COL4A5: variants seen among roughly 807,000 people sequenced by gnomAD.
COL4A5 encodes the protein collagen type IV alpha 5 chain, also known as collagen alpha-5(IV) chain.
In COL4A5, 26 loss-of-function variants were observed where a neutral mutation model predicts 130.2. The ratio of observed to expected loss-of-function variants is 0.20; its 90% CI spans 0.15 to 0.28. The LOEUF (loss-of-function observed/expected upper bound fraction) is 0.28. COL4A5 is among the 10% of genes least tolerant of loss of function. The pLI, the probability that COL4A5 is intolerant of heterozygous loss-of-function variation, is 1.00. For synonymous variants in COL4A5, 496 were observed against 439.6 expected, an observed-to-expected ratio of 1.13 and a Z score of -1.60; for missense variants, 1,131 against 1,344.3, an observed-to-expected ratio of 0.84 and a Z score of 2.48.
At chrX:108,621,673 CA>C in intron 31 of COL4A5, 129 bp from the exon 32 acceptor site, 2 of 529,407 alleles carry the variant, frequency 3.8e-6, no homozygotes. Context: ...GCACTATGGT[CA>C]AAAAGTCTAA....
At position 108,619,535 on chromosome X, in the gene COL4A5, A is replaced by C. The variant is rs980677954; in HGVS notation, c.2510-724A>C. 4.5e-5 allele frequency among the ~76,000 whole-genome samples: 5 copies of C among 111,916 alleles called. No homozygotes were observed. The Admixed American group carries it at 4.8e-4, about 11-fold the overall frequency. On this transcript the variant is annotated intron_variant, in intron 30 of 52. Coordinates refer to ENST00000328300, the MANE Select transcript of COL4A5 (RefSeq NM_033380.3). ...TTGCTTTTGGGGGAAAATCAGCCTT[A>C]CAGAAACTTACTAAGGTTAAATATT...
At chrX:108,634,107 G>A (rs2147889947) in intron 36 of COL4A5, among the ~76,000 whole-genome samples, 1 of 110,107 alleles carries the variant, frequency 9.1e-6, no homozygotes, top group South Asian at 3.8e-4. Flanking sequence ...TGACAGCAAA[G>A]CATTTAGTTG....
chrX:108,677,672 T>C, intron 44 of COL4A5, 39 bp downstream of exon 44: 2 of 1,191,874 alleles, frequency 1.7e-6, no homozygotes, highest in South Asian at 1.8e-5. Flanking sequence ...GAGAAGAATG[T>C]GGGTGTTTGT....
At position 108,620,269 on chromosome X, in the gene COL4A5, A is replaced by G. The variant is rs372853807; in HGVS notation, c.2520A>G (p.Gly840=). 37 of 1,204,546 alleles carry G rather than the reference A, an allele frequency of 3.1e-5. No homozygotes were observed. Among genetic ancestry groups the G allele is most frequent in the Non-Finnish European group, 4.2e-5 (37 of 891,180 alleles). Residue 840 remains glycine (G), a synonymous_variant, in exon 31 of 53, where the codon GGA becomes GGG. Transcript: ENST00000328300. ...TATTGTATTAACTAGGTTTACATGG[A>G]ATACCAGGAGAGAAGGGGGATCCAG... is the stretch of plus-strand genomic sequence containing the variant. ...PGPIGQPGLH[G]IPGEKGDPGP...
intron 2 of COL4A5, among the ~76,000 whole-genome samples, chrX:108,546,374 G>T (rs1209249059): frequency 9.0e-6 from 1 of 111,685 alleles, no homozygotes; most frequent in African/African-American, 3.3e-5. Flanking sequence ...ATGAAGTTTA[G>T]TTTGGCTGGA....
At chrX:108,544,915 T>C (rs2065620578) in intron 2 of COL4A5, among the ~76,000 whole-genome samples, 1 of 111,935 alleles carries the variant, frequency 8.9e-6, no homozygotes, top group African/African-American at 3.2e-5. Flanking sequence ...TTACAATATT[T>C]TCTGATGGTA....
chrX:108,470,712 A>T (rs2064758904), intron 1 of COL4A5, among the ~76,000 whole-genome samples: 1 of 111,240 alleles, frequency 9.0e-6, no homozygotes, highest in South Asian at 3.8e-4. Context: ...GTCATAAATT[A>T]TTTCCCAAGG....
chrX:108,498,965 C>T (rs1215749631), intron 1 of COL4A5, among the ~76,000 whole-genome samples: 2 of 111,123 alleles, frequency 1.8e-5, no homozygotes, highest in Non-Finnish European at 3.8e-5. Flanking sequence ...TGATTTTGCT[C>T]TTCCCTTTTC....
At chrX:108,480,080 C>T (rs1258603803) in intron 1 of COL4A5, among the ~76,000 whole-genome samples, 2 of 111,713 alleles carry the variant, frequency 1.8e-5, no homozygotes, top group Non-Finnish European at 3.8e-5. Flanking sequence ...GCAGCCTGGA[C>T]CTGTTGCAGA....
intron 1 of COL4A5, among the ~76,000 whole-genome samples, chrX:108,461,718 C>A (rs1212010262): frequency 9.0e-6 from 1 of 110,998 alleles, no homozygotes; most frequent in Non-Finnish European, 1.9e-5. Context: ...CTCAGCCTCC[C>A]AAGTAGCTGG....
chrX:108,615,479 T>C (rs1472352344), intron 30 of COL4A5, among the ~76,000 whole-genome samples: 1 of 111,669 alleles, frequency 9.0e-6, no homozygotes, highest in Non-Finnish European at 1.9e-5. Flanking sequence ...TCTTTTTTTT[T>C]CAGTGAGTTA....
intron 1 of COL4A5, among the ~76,000 whole-genome samples, chrX:108,451,765 G>A (rs2064516188): frequency 9.1e-6 from 1 of 109,582 alleles, no homozygotes; most frequent in African/African-American, 3.3e-5. Flanking sequence ...AGATGAGTAG[G>A]TTGCGAAAAT....
chrX:108,473,830 C>T (rs1407752425), intron 1 of COL4A5, among the ~76,000 whole-genome samples: 2 of 105,158 alleles, frequency 1.9e-5, no homozygotes, highest in East Asian at 2.9e-4. Flanking sequence ...TGGGATTTTA[C>T]CATGTTGGCC....
At chrX:108,526,208 C>G (rs2065310104) in intron 1 of COL4A5, among the ~76,000 whole-genome samples, 1 of 111,908 alleles carries the variant, frequency 8.9e-6, no homozygotes, top group Admixed American at 9.4e-5. Flanking sequence ...CTTTGTGAAG[C>G]TGAGCAAGGG....
intron 1 of COL4A5, among the ~76,000 whole-genome samples, chrX:108,515,629 A>C (rs2065213856): frequency 9.0e-6 from 1 of 111,542 alleles, no homozygotes; most frequent in Admixed American, 9.5e-5. Flanking sequence ...GTAGTATATA[A>C]ATGGAAGCTG....
intron 37 of COL4A5, among the ~76,000 whole-genome samples, chrX:108,656,771 C>CT (rs1277674323): frequency 9.0e-6 from 1 of 111,670 alleles, no homozygotes; most frequent in African/African-American, 3.2e-5. Context: ...TATTAATCAT[C>CT]TTTTTATTAT....
chrX:108,500,319 T>TG (rs1402171517), intron 1 of COL4A5, among the ~76,000 whole-genome samples: 1 of 111,949 alleles, frequency 8.9e-6, no homozygotes, highest in Non-Finnish European at 1.9e-5. Context: ...AATTGCCAAA[T>TG]GGGGCACTTA....
chrX:108,668,323 A>G lies in COL4A5; in HGVS notation c.3609A>G (p.Gln1203=), dbSNP rs767920190. The G allele has an allele frequency of 5.0e-6, 6 of 1,208,523 alleles. No homozygotes were observed. The Middle Eastern group carries it at 1.3e-3, about 255-fold the overall frequency. The stretch of plus-strand genomic sequence containing the variant: ...AATTATACTTTACTTTCATAGGCCA[A>G]AAGGGTGATGGAGGATTACCTGGGA... ...GPPGLPGLSG[Q]KGDGGLPGIP... is the part of the protein sequence containing the mutation. The change falls in exon 41 of 53, where the codon CAA becomes CAG. Residue 1203 remains glutamine, a synonymous_variant. Coordinates refer to ENST00000328300, the MANE Select transcript of COL4A5 (RefSeq NM_033380.3).
chrX:108,592,451 G>C (rs2066451989), intron 21 of COL4A5, among the ~76,000 whole-genome samples: 1 of 110,581 alleles, frequency 9.0e-6, no homozygotes, highest in South Asian at 3.8e-4. Flanking sequence ...TTCCCTGCCA[G>C]CTGTTTCTCT....
Sources: allele counts gnomAD v4.1 joint callset (sites outside exome capture counted in the v4.1 genomes callset), GRCh38; gene constraint gnomAD v4.1.1; transcripts MANE v1.5; gene names NCBI Gene and HGNC (gene_info 2026-07-23, HGNC 2026-07-21).